The following POU2AF2 variants were observed in gnomAD, a reference collection of about 807,000 sequenced individuals.
The protein encoded by POU2AF2 is POU domain class 2-associating factor 2.
chr11:111,262,893 C>T, the POU2AF2 span, among the ~76,000 whole-genome samples: 2 of 152,292 alleles, frequency 1.3e-5, no homozygotes, highest in African/African-American at 4.8e-5. Flanking sequence ...AATACATCTC[C>T]TATCTCATCA....
chr11:111,267,247 G>C, the POU2AF2 span, among the ~76,000 whole-genome samples: 18 of 152,256 alleles, frequency 1.2e-4, no homozygotes, highest in African/African-American at 4.3e-4. Context: ...TGCATCCAGT[G>C]GGGGGAATAT....
At chr11:111,260,162 C>A in the POU2AF2 span, among the ~76,000 whole-genome samples, 1 of 152,162 alleles carries the variant, frequency 6.6e-6, no homozygotes, top group African/African-American at 2.4e-5. Context: ...CATACTGAGA[C>A]CACCTCCCCT....
chr11:111,261,645 G>A, the POU2AF2 span, among the ~76,000 whole-genome samples: 1 of 152,320 alleles, frequency 6.6e-6, no homozygotes, highest in Non-Finnish European at 1.5e-5. Context: ...AGATGGGGAA[G>A]TGTCGTGTAG....
At chr11:111,281,445 G>C in the POU2AF2 span, 2 of 1,613,592 alleles carry the variant, frequency 1.2e-6, no homozygotes, top group East Asian at 4.5e-5. Context: ...TGCCAGGTGA[G>C]TACTTTAATT....
At chr11:111,248,224 C>T in the POU2AF2 span, among the ~76,000 whole-genome samples, 1 of 152,118 alleles carries the variant, frequency 6.6e-6, no homozygotes, top group African/African-American at 2.4e-5. Flanking sequence ...CCCTGAGTTC[C>T]TAGTGGGCGT....
chr11:111,270,558 T>G, the POU2AF2 span, among the ~76,000 whole-genome samples: 1 of 152,232 alleles, frequency 6.6e-6, no homozygotes, highest in Non-Finnish European at 1.5e-5. Flanking sequence ...TATTCCCTCC[T>G]CAGTCAAAAA....
At chr11:111,255,266 A>G in the POU2AF2 span, among the ~76,000 whole-genome samples, 1 of 152,166 alleles carries the variant, frequency 6.6e-6, no homozygotes, top group South Asian at 2.1e-4. Flanking sequence ...TTAGTCGCAG[A>G]CCTCAGTTTC....
the POU2AF2 span, among the ~76,000 whole-genome samples, chr11:111,264,570 AAGAAAGGG>A: frequency 1.6e-3 from 52 of 32,292 alleles, 8 homozygotes; most frequent in African/African-American, 6.1e-3. Flanking sequence ...GAAAGAAAGA[AAGAAAGGG>A]AGAGAGAAAG....
At chr11:111,281,428 G>T in the POU2AF2 span, 8 of 1,613,742 alleles carry the variant, frequency 5.0e-6, no homozygotes, top group Middle Eastern at 1.3e-3. Flanking sequence ...GTCTCCATTT[G>T]TGCAGATGCC....
the POU2AF2 span, among the ~76,000 whole-genome samples, chr11:111,257,481 G>T: frequency 6.6e-6 from 1 of 151,102 alleles, no homozygotes; most frequent in Non-Finnish European, 1.5e-5. Context: ...CGATTCTCCT[G>T]TCTCAGCCTC....
chr11:111,254,299 C>T, the POU2AF2 span, among the ~76,000 whole-genome samples: 1 of 152,170 alleles, frequency 6.6e-6, no homozygotes, highest in Admixed American at 6.5e-5. Context: ...TGGACCAAAT[C>T]CTGTCAAAAT....
the POU2AF2 span, among the ~76,000 whole-genome samples, chr11:111,276,693 C>A: frequency 5.4e-5 from 8 of 148,600 alleles, no homozygotes; most frequent in African/African-American, 2.0e-4. Flanking sequence ...ATAGCAGACG[C>A]CTCAACAGCA....
the POU2AF2 span, among the ~76,000 whole-genome samples, chr11:111,259,451 G>C: frequency 6.6e-6 from 1 of 152,070 alleles, no homozygotes; most frequent in African/African-American, 2.4e-5. Flanking sequence ...GATTAGCTGG[G>C]ATTACAGGTG....
At chr11:111,275,610 C>A in the POU2AF2 span, among the ~76,000 whole-genome samples, 1 of 152,162 alleles carries the variant, frequency 6.6e-6, no homozygotes, top group African/African-American at 2.4e-5. Flanking sequence ...ATTAGGCCAA[C>A]AAGATGTGAG....
At chr11:111,269,365 C>T in the POU2AF2 span, among the ~76,000 whole-genome samples, 1 of 152,096 alleles carries the variant, frequency 6.6e-6, no homozygotes. Context: ...CACTGTCCTG[C>T]CCTGTTTAGA....
the POU2AF2 span, chr11:111,255,834 G>A: frequency 5.1e-6 from 2 of 393,736 alleles, no homozygotes; most frequent in Admixed American, 8.9e-5. Flanking sequence ...CTCTATTGAA[G>A]CTACTCTATC....
the POU2AF2 span, among the ~76,000 whole-genome samples, chr11:111,260,858 G>T: frequency 6.6e-6 from 1 of 152,174 alleles, no homozygotes; most frequent in Non-Finnish European, 1.5e-5. Context: ...CGCCGGATAG[G>T]CATACTTCAG....
At chr11:111,276,453 A>AAAAAAAAAAAATATAT in the POU2AF2 span, among the ~76,000 whole-genome samples, 6 of 37,666 alleles carry the variant, frequency 1.6e-4, no homozygotes, top group South Asian at 1.1e-3. Flanking sequence ...AAAAAAAAAA[A>AAAAAAAAAAAATATAT]ATATATATAT....
chr11:111,285,634 G>C, the POU2AF2 span: 1 of 1,599,344 alleles, frequency 6.3e-7, no homozygotes, highest in South Asian at 1.1e-5. Context: ...AACCTCCGTG[G>C]CCTTTCCATT....
Sources: allele counts gnomAD v4.1 joint callset (sites outside exome capture counted in the v4.1 genomes callset), GRCh38; gene constraint gnomAD v4.1.1; transcripts MANE v1.5; gene names NCBI Gene and HGNC (gene_info 2026-07-23, HGNC 2026-07-21).